Variants in E4F1 observed in about 807,000 individuals in gnomAD.
The protein encoded by E4F1 is E4F transcription factor 1.
A neutral mutation model predicts 72.9 loss-of-function variants in E4F1; 30 were observed. That is an observed-to-expected ratio of 0.41 (90% CI 0.31 to 0.56). E4F1 has a LOEUF of 0.56. Among genes scored for constraint, E4F1 ranks in the 20% least tolerant of loss-of-function variants. The pLI is 0.25. For missense variants in E4F1, 1,091 were observed against 1,117.5 expected (o/e 0.98, Z 0.34); for synonymous variants, 542 against 478.2 (o/e 1.13, Z -1.74).
Position 2,235,485 on chromosome 16 carries a change from A to G in E4F1, c.2268A>G (p.Ser756=). The change falls in exon 14 of 14, where the codon TCA becomes TCG. Residue 756 remains serine (S), a synonymous_variant. Transcript: ENST00000301727. ...AGGCCACTGTGACCATGGTGTCATC[A>G]GAGGACATCGAGATCCTGGAGCATG... ...TEQATVTMVS[S]EDIEILEHAG... The G allele has an allele frequency of 6.2e-7, 1 of 1,611,666 alleles. No homozygotes were observed. Among genetic ancestry groups the G allele is most frequent in the East Asian group, 2.2e-5 (1 of 44,802 alleles).
Position 2,223,694 on chromosome 16 carries a change from G to C in E4F1, c.81G>C (p.Glu27Asp). The C allele has an allele frequency of 6.4e-7, 1 of 1,571,014 alleles. No homozygotes were observed. The highest frequency in any genetic ancestry group is 1.1e-5 in the South Asian group (1 of 88,072). Residue 27 changes from glutamate (E) to aspartate (D), a missense_variant, in exon 1 of 14, where the codon GAG becomes GAC. Physicochemically the swap from Glu to Asp is conservative, Grantham distance 45. Coordinates refer to ENST00000301727, the MANE Select transcript of E4F1 (RefSeq NM_004424.5). ...CCGAAGCCGGGCGGGAAGCGGGCGA[G>C]GGTGCAGTTGCGGCGGTGGCGGCGG... is the stretch of plus-strand genomic sequence containing the variant. ...AQAEAGREAG[E>D]GAVAAVAAAL... is the part of the protein sequence containing the mutation.
Position 2,234,094 on chromosome 16 carries a change from G to A in E4F1, c.1376-77G>A, listed in dbSNP as rs953016848. On this transcript the variant is annotated intron_variant, in intron 9 of 13. Transcript: ENST00000301727. ...GGTCCATAGACAGCAGGGAGCCAGG[G>A]GATCTGTGGGCAGGTGGCAGGCGGC... 3.8e-6 allele frequency: 6 copies of A among 1,568,970 alleles called. No individual in the cohort carries two copies. In the Admixed American group the frequency reaches 7.2e-5, roughly 19 times the overall value.
Position 2,223,612 on chromosome 16 carries a change from A to T in E4F1, c.-2A>T. The T allele has an allele frequency of 6.3e-7, 1 of 1,587,640 alleles. No individual in the cohort carries two copies. Among genetic ancestry groups the T allele is most frequent in the East Asian group, 2.4e-5 (1 of 41,768 alleles). The stretch of plus-strand genomic sequence containing the variant: ...CGCCATCTTCCTGCGGCGCGTTGCG[A>T]CATGGAGGGCGCGATGGCAGTGCGG... On this transcript the variant is annotated 5_prime_UTR_variant, in exon 1 of 14. Coordinates refer to ENST00000301727, the MANE Select transcript of E4F1 (RefSeq NM_004424.5).
Position 2,232,268 on chromosome 16 carries a change from G to A in E4F1, c.513G>A (p.Leu171=), listed in dbSNP as rs1181099526. 1 of 1,612,168 alleles carries A rather than the reference G, an allele frequency of 6.2e-7. No homozygotes were observed. Among genetic ancestry groups the A allele is most frequent in the Admixed American group, 1.7e-5 (1 of 59,940 alleles). Residue 171 remains leucine (L), a synonymous_variant, in exon 4 of 14, where the codon CTG becomes CTA. Coordinates refer to ENST00000301727, the MANE Select transcript of E4F1 (RefSeq NM_004424.5). ...EAPGSPRQQG[L]GLAGEGEQAQ... Reference sequence around the variant, plus strand: ...CGGGCAGCCCCCGCCAGCAGGGGCTGGGGCTCGCAGGGGAGGGTGAGCAGG... The same window carrying A: ...CGGGCAGCCCCCGCCAGCAGGGGCTAGGGCTCGCAGGGGAGGGTGAGCAGG...
At chr16:2,234,532 T>C (rs1391747088) in intron 10 of E4F1, 51 bp from the exon 11 acceptor site, 1 of 1,552,062 alleles carries the variant, frequency 6.4e-7, no homozygotes, top group Admixed American at 1.9e-5. Context: ...AGGGGAGAGC[T>C]GTAGTCTGTT....
rs758845282 is a variant in E4F1 at position 2,233,031 on chromosome 16, G to A, written c.904G>A (p.Gly302Ser). The change falls in exon 7 of 14, where the codon GGC becomes AGC. Residue 302 changes from glycine (G) to serine (S), a missense_variant. Coordinates refer to ENST00000301727, the MANE Select transcript of E4F1 (RefSeq NM_004424.5). Reference protein sequence around the residue: ...ARAGSGAGAAGLGTATSSVTG... With the variant: ...ARAGSGAGAASLGTATSSVTG... ...TGAAGGTTCTGGAGCTGGAGCTGCC[G>A]GCTTGGGGACAGCCACATCATCGGT... 2 of 1,608,698 alleles carry A rather than the reference G, an allele frequency of 1.2e-6. No individual in the cohort carries two copies. Among genetic ancestry groups the A allele is most frequent in the South Asian group, 2.2e-5 (2 of 90,984 alleles).
At chr16:2,231,967 G>A (rs902892091) in intron 3 of E4F1, 24 of 625,986 alleles carry the variant, frequency 3.8e-5, no homozygotes, top group South Asian at 3.5e-4. Context: ...TGACAGAGTC[G>A]GGAGGTGTCT....
intron 1 of E4F1, among the ~76,000 whole-genome samples, chr16:2,227,319 C>T (rs1260946109): frequency 6.6e-6 from 1 of 152,226 alleles, no homozygotes; most frequent in African/African-American, 2.4e-5. Context: ...AAGTGATTCT[C>T]CTGCCTCAGC....
chr16:2,224,387 A>G lies in E4F1; in HGVS notation c.157+617A>G, dbSNP rs76885746. ...GGCGGCTTCTGCCAGTAATGTAACA[A>G]GCCCTTATCCTGCTTTAGGTTTTTT... is the stretch of plus-strand genomic sequence containing the variant. On this transcript the variant is annotated intron_variant, in intron 1 of 13. Coordinates refer to ENST00000301727, the MANE Select transcript of E4F1 (RefSeq NM_004424.5). Among the ~76,000 whole-genome samples the G allele has an allele frequency of 2.4e-3, 362 of 152,352 alleles. 1 individual carries two copies. The highest frequency in any genetic ancestry group is 8.4e-3 in the African/African-American group (351 of 41,584).
chr16:2,232,115 C>T, intron 3 of E4F1, 56 bp from the exon 4 acceptor site: 1 of 1,594,626 alleles, frequency 6.3e-7, no homozygotes, highest in Admixed American at 1.7e-5. Context: ...CCAGCAGTCT[C>T]TGGGGTCTCT....
chr16:2,223,825 T>G, intron 1 of E4F1, 55 bp downstream of exon 1: 1 of 1,532,868 alleles, frequency 6.5e-7, no homozygotes, highest in South Asian at 1.2e-5. Flanking sequence ...CATCCCGGGC[T>G]GGCAGAGGCC....
chr16:2,226,776 A>G (rs1359038922), intron 1 of E4F1, among the ~76,000 whole-genome samples: 2 of 152,240 alleles, frequency 1.3e-5, no homozygotes, highest in Non-Finnish European at 2.9e-5. Context: ...TGACGTCCCC[A>G]GTGAGGTGCT....
In E4F1 at chr16:2,232,874, G is replaced by A. The variant is rs2141465280; in HGVS notation, c.849G>A (p.Lys283=). 12 of 1,613,470 alleles carry A rather than the reference G, an allele frequency of 7.4e-6. No individual in the cohort carries two copies. Among genetic ancestry groups the A allele is most frequent in the Non-Finnish European group, 1.0e-5 (12 of 1,180,014 alleles). The part of the protein sequence containing the change: ...CTEKIRFSVS[K]DVVVSKEDAR... ...AGAAAATCCGCTTCAGTGTGAGCAA[G>A]GACGTGGTTGTCAGCAAAGAGGACG... is the stretch of plus-strand genomic sequence containing the variant. Residue 283 remains lysine (K), a synonymous_variant, in exon 6 of 14, where the codon AAG becomes AAA. Coordinates refer to ENST00000301727, the MANE Select transcript of E4F1 (RefSeq NM_004424.5).
chr16:2,233,013 TCTGGAG>T lies in E4F1; in HGVS notation c.896_901del (p.Gly299_Ala300del). On this transcript the variant is annotated inframe_deletion, in exon 7 of 14. Coordinates refer to ENST00000301727, the MANE Select transcript of E4F1 (RefSeq NM_004424.5). ...CACTCCCTCACTCCACCTTGAAGGT[TCTGGAG>T]CTGGAGCTGCCGGCTTGGGGACAGC... The T allele has an allele frequency of 1.9e-6, 3 of 1,608,428 alleles. No homozygotes were observed. Among genetic ancestry groups the T allele is most frequent in the Non-Finnish European group, 1.7e-6 (2 of 1,176,102 alleles).
chr16:2,234,405 A>C lies in E4F1; in HGVS notation c.1593+17A>C. Reference sequence around the variant, plus strand: ...AAGACTAAGGTGGGTCTCTGGCCGCAGGACCCTGGCGCCTGATCCCCCCAT... The same window carrying C: ...AAGACTAAGGTGGGTCTCTGGCCGCCGGACCCTGGCGCCTGATCCCCCCAT... On this transcript the variant is annotated intron_variant, in intron 10 of 13. Coordinates refer to ENST00000301727, the MANE Select transcript of E4F1 (RefSeq NM_004424.5). 8.7e-6 allele frequency: 14 copies of C among 1,612,006 alleles called. No homozygotes were observed. Among genetic ancestry groups the C allele is most frequent in the Non-Finnish European group, 1.2e-5 (14 of 1,179,332 alleles).
In E4F1 at chr16:2,234,878, G is replaced by C; in HGVS notation, c.1812G>C (p.Val604=). ...CCACAGGGGGCTGCCTGCTGGAGGT[G>C]GAGGAGTTGCTGGTGTCTGAGGACA... ...LRTKGGCLLE[V]EELLVSEDSP... is the part of the protein sequence containing the mutation. Residue 604 remains valine (V), a synonymous_variant, in exon 12 of 14, where the codon GTG becomes GTC. Transcript: ENST00000301727. The C allele has an allele frequency of 1.3e-6, 2 of 1,550,490 alleles. No homozygotes were observed. Among genetic ancestry groups the C allele is most frequent in the Non-Finnish European group, 1.7e-6 (2 of 1,147,114 alleles).
chr16:2,233,733 C>T (rs1335789793), intron 8 of E4F1, 86 bp downstream of exon 8: 1 of 1,460,814 alleles, frequency 6.8e-7, no homozygotes, highest in African/African-American at 1.4e-5. Flanking sequence ...CCTGAAGTGG[C>T]TTTCTGCAGT....
intron 1 of E4F1, among the ~76,000 whole-genome samples, chr16:2,227,960 G>A (rs897575364): frequency 2.6e-5 from 4 of 151,448 alleles, no homozygotes; most frequent in Non-Finnish European, 2.9e-5. Flanking sequence ...CACCATGCCC[G>A]GCCCCAGCAG....
chr16:2,234,521 G>A, intron 10 of E4F1, 62 bp from the exon 11 acceptor site: 1 of 1,552,172 alleles, frequency 6.4e-7, no homozygotes, highest in South Asian at 1.2e-5. Context: ...CCACAGGCGG[G>A]AGGGGAGAGC....
Sources: allele counts gnomAD v4.1 joint callset (sites outside exome capture counted in the v4.1 genomes callset), GRCh38; gene constraint gnomAD v4.1.1; transcripts MANE v1.5; gene names NCBI Gene and HGNC (gene_info 2026-07-23, HGNC 2026-07-21).